The following CCBE1 variants were observed in gnomAD, a reference collection of about 807,000 sequenced individuals.
The protein encoded by CCBE1 is collagen and calcium binding EGF domains 1.
A neutral mutation model predicts 50.0 loss-of-function variants in CCBE1; 37 were observed. The ratio of observed to expected loss-of-function variants is 0.74; its 90% CI spans 0.57 to 0.97. The LOEUF (loss-of-function observed/expected upper bound fraction) is 0.97, where lower values mean the gene tolerates loss of function less well. CCBE1 is among the 50% of genes least tolerant of loss of function. CCBE1 has a pLI of 0.00. For synonymous variants in CCBE1, 234 were observed against 203.7 expected (o/e 1.15, Z -1.27); for missense variants, 538 against 523.8 (o/e 1.03, Z -0.26).
At chr18:59,609,498 C>T (rs905397051) in intron 2 of CCBE1, among the ~76,000 whole-genome samples, 1 of 152,208 alleles carries the variant, frequency 6.6e-6, no homozygotes, top group East Asian at 1.9e-4. Context: ...CAGGAATCAT[C>T]CTTGGCTTCT....
intron 3 of CCBE1, among the ~76,000 whole-genome samples, chr18:59,470,816 C>T (rs571625965): frequency 1.3e-5 from 2 of 152,298 alleles, no homozygotes; most frequent in South Asian, 4.1e-4. Flanking sequence ...TCTGGCTTTG[C>T]TCCACCACAT....
At chr18:59,693,003 C>T (rs933675074) in intron 2 of CCBE1, among the ~76,000 whole-genome samples, 1 of 145,970 alleles carries the variant, frequency 6.9e-6, no homozygotes, top group Non-Finnish European at 1.5e-5. Context: ...CACACACACA[C>T]AAACAAAAAA....
chr18:59,644,329 A>AC (rs2054028152), intron 2 of CCBE1, among the ~76,000 whole-genome samples: 1 of 151,960 alleles, frequency 6.6e-6, no homozygotes, highest in Non-Finnish European at 1.5e-5. Flanking sequence ...GGAGTTGGGG[A>AC]CCCCTGGTCT....
intron 2 of CCBE1, among the ~76,000 whole-genome samples, chr18:59,576,604 T>C (rs2053000617): frequency 6.6e-6 from 1 of 152,166 alleles, no homozygotes; most frequent in African/African-American, 2.4e-5. Flanking sequence ...TGACAAAATG[T>C]GGAATTAAAT....
intron 2 of CCBE1, among the ~76,000 whole-genome samples, chr18:59,656,942 A>T (rs952870267): frequency 1.3e-5 from 2 of 152,300 alleles, no homozygotes; most frequent in South Asian, 2.1e-4. Flanking sequence ...ACTGCTAAGA[A>T]GATGAATATA....
intron 3 of CCBE1, among the ~76,000 whole-genome samples, chr18:59,476,804 G>C (rs201975522): frequency 6.6e-6 from 1 of 152,224 alleles, no homozygotes; most frequent in East Asian, 1.9e-4. Flanking sequence ...CAGCTATTTA[G>C]TCTGGAGTCA....
At chr18:59,593,214 C>T (rs543475640) in intron 2 of CCBE1, among the ~76,000 whole-genome samples, 65 of 152,218 alleles carry the variant, frequency 4.3e-4, no homozygotes, top group African/African-American at 1.5e-3. Flanking sequence ...TTAATAAATA[C>T]CTTTTTGAAA....
chr18:59,590,754 A>G (rs2053252494), intron 2 of CCBE1, among the ~76,000 whole-genome samples: 1 of 152,216 alleles, frequency 6.6e-6, no homozygotes, highest in Admixed American at 6.5e-5. Context: ...GGTAACTCAA[A>G]TCACTGGGGC....
At chr18:59,669,515 A>C (rs1190484572) in intron 2 of CCBE1, among the ~76,000 whole-genome samples, 1 of 152,226 alleles carries the variant, frequency 6.6e-6, no homozygotes, top group African/African-American at 2.4e-5. Flanking sequence ...TGGAGTCAAG[A>C]GAGTCACTAC....
intron 2 of CCBE1, among the ~76,000 whole-genome samples, chr18:59,594,474 G>A (rs1273888290): frequency 6.6e-6 from 1 of 152,196 alleles, no homozygotes; most frequent in East Asian, 1.9e-4. Flanking sequence ...GATGGATGAT[G>A]ATTGATGGTT....
At chr18:59,679,435 T>A (rs1490988273) in intron 2 of CCBE1, among the ~76,000 whole-genome samples, 2 of 152,218 alleles carry the variant, frequency 1.3e-5, no homozygotes, top group Non-Finnish European at 2.9e-5. Context: ...TAGAGATGAA[T>A]GCTGACATAT....
chr18:59,645,115 G>A (rs1223610696), intron 2 of CCBE1, among the ~76,000 whole-genome samples: 2 of 152,164 alleles, frequency 1.3e-5, no homozygotes, highest in African/African-American at 4.8e-5. Flanking sequence ...TTAGCCAGGT[G>A]TGGTGGCACA....
rs1424850173 is a variant in CCBE1 at position 59,433,276 on chromosome 18, T to C, written c.*2632A>G. On this transcript the variant is annotated 3_prime_UTR_variant, in exon 11 of 11. Transcript: ENST00000439986. ...CCACATTTAATAAAACTTATTTTTT[T>C]TTTTTTAGGGATGGGGTCTTGCTAT... 3.9e-5 allele frequency: 6 copies of C among 152,140 alleles called. No individual in the cohort carries two copies. The East Asian group carries it at 1.2e-3, about 29-fold the overall frequency. The allele number at this position is 152,140 out of a possible 1,614,324, so 9.4% of individuals were successfully genotyped here.
intron 2 of CCBE1, among the ~76,000 whole-genome samples, chr18:59,580,926 A>G (rs771102861): frequency 4.6e-5 from 7 of 152,224 alleles, no homozygotes; most frequent in Non-Finnish European, 8.8e-5. Context: ...TGTGCTTTCC[A>G]TTAGAAGCCA....
chr18:59,443,394 G>T (rs1910526724), intron 7 of CCBE1, among the ~76,000 whole-genome samples: 1 of 152,120 alleles, frequency 6.6e-6, no homozygotes, highest in Non-Finnish European at 1.5e-5. Flanking sequence ...CAGCTGGGGG[G>T]ATGAGGGAAG....
In CCBE1 at chr18:59,697,379, C is replaced by G. The variant is rs375484836; in HGVS notation, c.-37G>C. 43 of 1,538,504 alleles carry G rather than the reference C, an allele frequency of 2.8e-5. No individual in the cohort carries two copies. Among genetic ancestry groups the G allele is most frequent in the East Asian group, 9.8e-5 (4 of 40,796 alleles). On this transcript the variant is annotated 5_prime_UTR_variant, in exon 1 of 11. Coordinates refer to ENST00000439986, the MANE Select transcript of CCBE1 (RefSeq NM_133459.4). The stretch of plus-strand genomic sequence containing the variant: ...CCGGCTTCTTCCCAGCGCCGAGCTC[C>G]GTCCGGACCAAGCGTCCTGCTCCTC...
At chr18:59,501,254 C>T (rs913695130) in intron 2 of CCBE1, among the ~76,000 whole-genome samples, 2 of 152,198 alleles carry the variant, frequency 1.3e-5, no homozygotes, top group Non-Finnish European at 2.9e-5. Context: ...GGGACCCTGT[C>T]CTGGGGCTGC....
chr18:59,552,658 G>A (rs1915971115), intron 2 of CCBE1, among the ~76,000 whole-genome samples: 1 of 152,134 alleles, frequency 6.6e-6, no homozygotes, highest in Admixed American at 6.5e-5. Context: ...ACTTTACTGT[G>A]GGAAGTAGTC....
intron 2 of CCBE1, among the ~76,000 whole-genome samples, chr18:59,574,433 G>A (rs1219760749): frequency 1.3e-5 from 2 of 152,264 alleles, no homozygotes; most frequent in East Asian, 1.9e-4. Flanking sequence ...TTAGAGAAAC[G>A]GGGTCTATAT....
Sources: allele counts gnomAD v4.1 joint callset (sites outside exome capture counted in the v4.1 genomes callset), GRCh38; gene constraint gnomAD v4.1.1; transcripts MANE v1.5; gene names NCBI Gene and HGNC (gene_info 2026-07-23, HGNC 2026-07-21).